Variants in TRIM15 observed in about 807,000 individuals in gnomAD.
TRIM15 encodes the protein tripartite motif containing 15.
TRIM15 carries 35 observed loss-of-function variants against 35.8 expected under a neutral mutation model. The ratio of observed to expected loss-of-function variants is 0.98; its 90% CI spans 0.75 to 1.30. The LOEUF is 1.30. Ranked by LOEUF, TRIM15 falls within the 50% of genes most tolerant of loss-of-function variation. The pLI is 0.00. For missense variants in TRIM15, 590 were observed against 593.5 expected (o/e 0.99, Z 0.06); for synonymous variants, 252 against 249.8 (o/e 1.01, Z -0.08).
chr6:30,166,216 C>T (rs1773584732), intron 1 of TRIM15, among the ~76,000 whole-genome samples: 1 of 152,112 alleles, frequency 6.6e-6, no homozygotes, highest in Non-Finnish European at 1.5e-5. Context: ...AGGTTTTCTT[C>T]TAGGGTTTTT....
rs1356467082 is a variant in TRIM15, at chr6:30,163,818, A to C, written c.134A>C (p.Gln45Pro). ...FCRLCLPALS[Q>P]MGAQSSGKIL... ...CGGCTCTGCCTCCCCGCGCTCTCCC[A>C]GATGGGGGCCCAATCCTCGGGCAAG... is the stretch of plus-strand genomic sequence containing the variant. Residue 45 changes from glutamine to proline, a missense_variant, in exon 1 of 7, where the codon CAG (glutamine) becomes CCG (proline). Physicochemically the swap from Gln to Pro is moderately conservative, Grantham distance 76. Coordinates refer to ENST00000376694, the MANE Select transcript of TRIM15 (RefSeq NM_033229.3). 2 of 1,613,034 alleles carry C rather than the reference A, an allele frequency of 1.2e-6. No individual in the cohort carries two copies. Among genetic ancestry groups the C allele is most frequent in the South Asian group, 2.2e-5 (2 of 91,088 alleles).
At chr6:30,166,319 T>C (rs899016608) in intron 1 of TRIM15, among the ~76,000 whole-genome samples, 5 of 152,238 alleles carry the variant, frequency 3.3e-5, no homozygotes, top group African/African-American at 9.6e-5. Context: ...GTTTTCTGCA[T>C]ATGGCTAGCC....
Position 30,168,329 on chromosome 6 carries a change from G to A in TRIM15, c.507G>A (p.Val169=). 6.2e-7 allele frequency: 1 copy of A among 1,613,076 alleles called. No individual in the cohort carries two copies. The highest frequency in any genetic ancestry group is 2.2e-5 in the East Asian group (1 of 44,890). Residue 169 remains valine, a synonymous_variant, in exon 3 of 7, where the codon GTG becomes GTA. Transcript: ENST00000376694. ...LTQIESKKHQ[V]ETAFERLQQE... ...AGATCGAAAGCAAGAAGCATCAGGT[G>A]GAAACAGCTTTTGAGAGGCTGCAGC...
rs1334585897 is a variant in TRIM15, at chr6:30,163,708, G to C, written c.24G>C (p.Lys8Asn). 9 of 1,611,012 alleles carry C rather than the reference G, an allele frequency of 5.6e-6. No homozygotes were observed. The highest frequency in any genetic ancestry group is 7.6e-6 in the Non-Finnish European group (9 of 1,178,840). MPATPSL[K>N]VVHELPACTL... ...TGATGCCCGCAACCCCGTCCCTGAA[G>C]GTGGTCCATGAGCTGCCTGCCTGTA... The change falls in exon 1 of 7, where the codon AAG (lysine) becomes AAC (asparagine). Residue 8 changes from lysine to asparagine, a missense_variant. Coordinates refer to ENST00000376694, the MANE Select transcript of TRIM15 (RefSeq NM_033229.3).
rs150718462 is a variant in TRIM15, at chr6:30,168,371, G to A, written c.549G>A (p.Gln183=). The change falls in exon 3 of 7, where the codon CAG becomes CAA. Residue 183 remains glutamine (Q), a synonymous_variant. Coordinates refer to ENST00000376694, the MANE Select transcript of TRIM15 (RefSeq NM_033229.3). ...FERLQQELEQ[Q]RCLLLARLRE... is the part of the protein sequence containing the mutation. ...GGCTGCAGCAGGAGCTGGAGCAGCA[G>A]CGATGTCTCCTGCTGGCCAGGCTGA... 184 of 1,613,102 alleles carry A rather than the reference G, an allele frequency of 1.1e-4. No individual in the cohort carries two copies. Among genetic ancestry groups the A allele is most frequent in the Admixed American group, 3.0e-4 (18 of 60,022 alleles).
rs369543107 is a variant in TRIM15 at position 30,170,453 on chromosome 6, A to C, written c.732-48A>C. 169 of 1,334,044 alleles carry C rather than the reference A, an allele frequency of 1.3e-4. 1 individual carries two copies. The highest frequency in any genetic ancestry group is 4.0e-4 in the Admixed American group (23 of 57,802). The allele number at this position is 1,334,044 out of a possible 1,614,324, so 82.6% of individuals were successfully genotyped here. Reference sequence around the variant, plus strand: ...TAGCCTCACGTGGTCTCACCCGAACATTTGTTTTTGGAATTTGGACCTAAC... The same window carrying C: ...TAGCCTCACGTGGTCTCACCCGAACCTTTGTTTTTGGAATTTGGACCTAAC... On this transcript the variant is annotated intron_variant, in intron 4 of 6. Transcript: ENST00000376694.
chr6:30,163,652 G>C lies in TRIM15; in HGVS notation c.-33G>C, dbSNP rs376378714. 6.4e-7 allele frequency: 1 copy of C among 1,572,642 alleles called. No homozygotes were observed. Among genetic ancestry groups the C allele is most frequent in the East Asian group, 2.2e-5 (1 of 44,470 alleles). ...AAAGGGAACTCGCGTGGGCTGAGGAGACCGGAGTGGACGGGCTGGGGAAGG... is the reference window on the plus strand; with the variant it reads ...AAAGGGAACTCGCGTGGGCTGAGGACACCGGAGTGGACGGGCTGGGGAAGG... On this transcript the variant is annotated 5_prime_UTR_variant, in exon 1 of 7. Transcript: ENST00000376694.
intron 4 of TRIM15, 199 bp from the exon 5 acceptor site, chr6:30,170,302 A>T (rs1773917358): frequency 1.8e-6 from 1 of 558,768 alleles, no homozygotes; most frequent in South Asian, 2.4e-5. Context: ...GATTATCCTT[A>T]GTTCCTCTTA....
chr6:30,168,908 G>A (rs1773813641), intron 3 of TRIM15, among the ~76,000 whole-genome samples: 2 of 152,174 alleles, frequency 1.3e-5, no homozygotes, highest in African/African-American at 2.4e-5. Context: ...TGTCTGCTAT[G>A]GTTATGAATA....
chr6:30,166,823 T>C (rs1230865673), intron 1 of TRIM15, among the ~76,000 whole-genome samples: 2 of 152,162 alleles, frequency 1.3e-5, no homozygotes, highest in East Asian at 1.9e-4. Context: ...CCTTCACATC[T>C]GTGGGCACTA....
intron 1 of TRIM15, 130 bp downstream of exon 1, chr6:30,164,195 G>T: frequency 7.5e-7 from 1 of 1,341,016 alleles, no homozygotes; most frequent in Non-Finnish European, 1.0e-6. Flanking sequence ...AGGGACTTTC[G>T]AGGCATTCCC....
chr6:30,167,374 C>A, intron 2 of TRIM15, 103 bp downstream of exon 2: 1 of 925,908 alleles, frequency 1.1e-6, no homozygotes, highest in Non-Finnish European at 1.7e-6. Context: ...AAAGAACTGA[C>A]AAACTGTTCT....
At chr6:30,169,492 A>G (rs1773861792) in intron 4 of TRIM15, 6 of 700,546 alleles carry the variant, frequency 8.6e-6, no homozygotes, top group Non-Finnish European at 1.6e-5. Context: ...TTTCCCCTAG[A>G]AGTGAAGTTA....
chr6:30,163,739 T>C lies in TRIM15; in HGVS notation c.55T>C (p.Cys19Arg), dbSNP rs1169903990. ...CCATGAGCTGCCTGCCTGTACCCTC[T>C]GTGCGGGGCCGCTGGAGGATGCGGT... ...VVHELPACTLCAGPLEDAVTI... is the reference protein window; with the variant it reads ...VVHELPACTLRAGPLEDAVTI... The change falls in exon 1 of 7, where the codon TGT (cysteine) becomes CGT (arginine). Residue 19 changes from cysteine to arginine, a missense_variant. Transcript: ENST00000376694. 7 of 1,612,880 alleles carry C rather than the reference T, an allele frequency of 4.3e-6. No homozygotes were observed. Among genetic ancestry groups the C allele is most frequent in the Non-Finnish European group, 5.9e-6 (7 of 1,180,026 alleles).
At chr6:30,165,037 A>G (rs1026976639) in intron 1 of TRIM15, among the ~76,000 whole-genome samples, 2 of 151,478 alleles carry the variant, frequency 1.3e-5, no homozygotes, top group African/African-American at 4.9e-5. Context: ...TCCTCCTAGA[A>G]TACTCTTCTC....
At position 30,172,424 on chromosome 6, in the gene TRIM15, G is replaced by A. The variant is rs1389279934; in HGVS notation, c.*75G>A. The A allele has an allele frequency of 6.6e-7, 1 of 1,520,648 alleles. No individual in the cohort carries two copies. Among genetic ancestry groups the A allele is most frequent in the Non-Finnish European group, 8.8e-7 (1 of 1,139,662 alleles). The allele number at this position is 1,520,648 out of a possible 1,614,324, so 94.2% of individuals were successfully genotyped here. A position where few individuals can be genotyped will look rare whatever the true frequency, so the allele number is the denominator to read the frequency against. On this transcript the variant is annotated 3_prime_UTR_variant, in exon 7 of 7. Transcript: ENST00000376694. ...CCAGCTCCGCCCCTGGCCAGTGTGC[G>A]GCCCGGGGGCTCCCTGTGCCCGCGT...
chr6:30,170,181 A>G (rs908402492), intron 4 of TRIM15: 1 of 266,026 alleles, frequency 3.8e-6, no homozygotes, highest in Non-Finnish European at 7.1e-6. Flanking sequence ...GCTGTTTTCA[A>G]ATGGTACCCT....
At chr6:30,164,123 G>A in intron 1 of TRIM15, 58 bp downstream of exon 1, 3 of 1,550,266 alleles carry the variant, frequency 1.9e-6, no homozygotes, top group Non-Finnish European at 2.6e-6. Flanking sequence ...CCTGTTATGA[G>A]GGGAGGAAAT....
In TRIM15 at chr6:30,171,873, G is replaced by A. The variant is rs746040798; in HGVS notation, c.922G>A (p.Val308Ile). Residue 308 changes from valine to isoleucine, a missense_variant, in exon 7 of 7, where the codon GTT becomes ATT. By Grantham distance (29) the Val-to-Ile change is conservative. Coordinates refer to ENST00000376694, the MANE Select transcript of TRIM15 (RefSeq NM_033229.3). ...CCCTCAGACCGCCAGCCGGAGCCTG[G>A]TTCTCTCGGAAGACAGGAAGTCAGT... ...LDPQTASRSL[V>I]LSEDRKSVRY... 1 of 1,593,572 alleles carries A rather than the reference G, an allele frequency of 6.3e-7. No individual in the cohort carries two copies. The highest frequency in any genetic ancestry group is 8.5e-7 in the Non-Finnish European group (1 of 1,169,734).
Sources: allele counts gnomAD v4.1 joint callset (sites outside exome capture counted in the v4.1 genomes callset), GRCh38; gene constraint gnomAD v4.1.1; transcripts MANE v1.5; gene names NCBI Gene and HGNC (gene_info 2026-07-23, HGNC 2026-07-21).